GFRA2: variants seen among roughly 807,000 people sequenced by gnomAD.
The protein encoded by GFRA2 is GDNF family receptor alpha-2.
GFRA2 carries 17 observed loss-of-function variants against 48.3 expected under a neutral mutation model. The observed-to-expected ratio is 0.35, with a 90% CI of 0.24 to 0.53. The LOEUF (loss-of-function observed/expected upper bound fraction) is 0.53, where lower values mean the gene tolerates loss of function less well. Among genes scored for constraint, GFRA2 ranks in the 20% least tolerant of loss-of-function variants. GFRA2 has a pLI of 0.93. For missense variants in GFRA2, 660 were observed against 637.3 expected, an observed-to-expected ratio of 1.04 and a Z score of -0.38; for synonymous variants, 305 against 257.2, an observed-to-expected ratio of 1.19 and a Z score of -1.78.
intron 3 of GFRA2, among the ~76,000 whole-genome samples, chr8:21,758,030 G>A (rs1289593821): frequency 6.6e-6 from 1 of 152,160 alleles, no homozygotes; most frequent in Non-Finnish European, 1.5e-5. Flanking sequence ...CCGGTTTAGA[G>A]AAAAGGCACT....
Position 21,746,719 on chromosome 8 carries a change from A to G in GFRA2, c.794+3869T>C, listed in dbSNP as rs192231137. 4.6e-3 allele frequency among the ~76,000 whole-genome samples: 698 copies of G among 151,994 alleles called. 5 individuals carry two copies. Among genetic ancestry groups the G allele is most frequent in the Non-Finnish European group, 7.3e-3 (496 of 67,974 alleles). On this transcript the variant is annotated intron_variant, in intron 4 of 8. Transcript: ENST00000524240. ...CCTCCCAATACTTAGCCCTGTTTCA[A>G]CGCCGTTTCTGGTTCCACTGTGTGA...
At chr8:21,806,924 C>T (rs1225935944) in intron 1 of GFRA2, among the ~76,000 whole-genome samples, 2 of 152,186 alleles carry the variant, frequency 1.3e-5, no homozygotes, top group East Asian at 1.9e-4. Context: ...GTTCTATCTT[C>T]CTATCTCAAA....
chr8:21,755,796 G>T (rs1805539594), intron 3 of GFRA2, among the ~76,000 whole-genome samples: 1 of 152,256 alleles, frequency 6.6e-6, no homozygotes, highest in African/African-American at 2.4e-5. Context: ...GACTGAACAT[G>T]GAAACCAAGG....
At chr8:21,771,025 C>T (rs1373655582) in intron 3 of GFRA2, among the ~76,000 whole-genome samples, 1 of 152,210 alleles carries the variant, frequency 6.6e-6, no homozygotes, top group Non-Finnish European at 1.5e-5. Context: ...AACCTCCTGC[C>T]TCCACTGAGC....
chr8:21,704,628 C>G (rs1249789785), intron 6 of GFRA2, among the ~76,000 whole-genome samples: 1 of 152,110 alleles, frequency 6.6e-6, no homozygotes, highest in Non-Finnish European at 1.5e-5. Context: ...AAAAGGAAGT[C>G]GATTCCAGGG....
intron 2 of GFRA2, among the ~76,000 whole-genome samples, chr8:21,800,967 A>G (rs1308064265): frequency 6.6e-6 from 1 of 151,672 alleles, no homozygotes; most frequent in African/African-American, 2.4e-5. Context: ...GGCATCCACA[A>G]GATTTTTCAG....
At chr8:21,805,410 C>T (rs542791777) in intron 1 of GFRA2, among the ~76,000 whole-genome samples, 1 of 152,188 alleles carries the variant, frequency 6.6e-6, no homozygotes, top group Non-Finnish European at 1.5e-5. Flanking sequence ...CTGCACAGTT[C>T]AGGAAGAGCT....
At chr8:21,740,273 T>C (rs1383806407) in intron 4 of GFRA2, among the ~76,000 whole-genome samples, 1 of 152,210 alleles carries the variant, frequency 6.6e-6, no homozygotes, top group Non-Finnish European at 1.5e-5. Flanking sequence ...CAAACTGCTA[T>C]TGAGCTCTCC....
intron 3 of GFRA2, among the ~76,000 whole-genome samples, chr8:21,762,830 T>C (rs1247973295): frequency 6.6e-6 from 1 of 152,226 alleles, no homozygotes; most frequent in African/African-American, 2.4e-5. Flanking sequence ...GGTTTTTTAA[T>C]ATTTAGGGTT....
At chr8:21,778,297 C>A (rs1243290284) in intron 2 of GFRA2, among the ~76,000 whole-genome samples, 1 of 152,306 alleles carries the variant, frequency 6.6e-6, no homozygotes, top group East Asian at 1.9e-4. Context: ...CCCCGCCACT[C>A]ACAAGAACAC....
intron 3 of GFRA2, among the ~76,000 whole-genome samples, chr8:21,757,925 A>C (rs1371565476): frequency 6.6e-6 from 1 of 152,170 alleles, no homozygotes; most frequent in East Asian, 1.9e-4. Context: ...GAATTTTTCT[A>C]ACCCATTAGA....
intron 1 of GFRA2, among the ~76,000 whole-genome samples, chr8:21,787,207 A>T (rs565112827): frequency 7.6e-5 from 11 of 144,186 alleles, no homozygotes; most frequent in South Asian, 7.0e-4. Flanking sequence ...TGTGGAAAAG[A>T]AACTGCGTGG....
At chr8:21,729,998 G>A (rs576599148) in intron 4 of GFRA2, among the ~76,000 whole-genome samples, 1 of 152,154 alleles carries the variant, frequency 6.6e-6, no homozygotes, top group African/African-American at 2.4e-5. Context: ...AATTCAGGGA[G>A]GAGGAGGAGG....
intron 2 of GFRA2, among the ~76,000 whole-genome samples, chr8:21,802,978 A>G (rs1261787080): frequency 1.3e-4 from 20 of 152,378 alleles, no homozygotes; most frequent in Admixed American, 3.9e-4. Context: ...CATGTAAAAT[A>G]TCAGACTTCG....
chr8:21,777,177 C>T (rs1806747512), intron 2 of GFRA2, among the ~76,000 whole-genome samples: 2 of 152,200 alleles, frequency 1.3e-5, no homozygotes. Flanking sequence ...AGGGTTCACA[C>T]CCAGGCAAAG....
Position 21,788,275 on chromosome 8 carries a change from G to A in GFRA2, c.-116C>T. Reference sequence around the variant, plus strand: ...GGTAATCAGCCCCAAATCCAATGCGGAGATCCCAGCTAGTCCACCCGATGA... The same window carrying A: ...GGTAATCAGCCCCAAATCCAATGCGAAGATCCCAGCTAGTCCACCCGATGA... On this transcript the variant is annotated 5_prime_UTR_variant, in exon 1 of 9. Coordinates refer to ENST00000524240, the MANE Select transcript of GFRA2 (RefSeq NM_001495.5). 7.0e-7 allele frequency: 1 copy of A among 1,433,820 alleles called. No homozygotes were observed. Among genetic ancestry groups the A allele is most frequent in the Non-Finnish European group, 9.2e-7 (1 of 1,089,902 alleles). 88.8% of individuals were successfully genotyped at this position (1,433,820 alleles called of 1,614,324 possible).
rs375886597 is a variant in GFRA2, at chr8:21,749,732, T to G, written c.794+856A>C. Reference sequence around the variant, plus strand: ...GTATTCAGGTCTGATCCAGTCTAGTTTCAGGGTGAGGAATGGGTCCTGGAG... The same window carrying G: ...GTATTCAGGTCTGATCCAGTCTAGTGTCAGGGTGAGGAATGGGTCCTGGAG... On this transcript the variant is annotated intron_variant, in intron 4 of 8. Coordinates refer to ENST00000524240, the MANE Select transcript of GFRA2 (RefSeq NM_001495.5). Among the ~76,000 whole-genome samples the G allele has an allele frequency of 1.5e-4, 23 of 151,266 alleles. 1 individual carries two copies. Among genetic ancestry groups the G allele is most frequent in the South Asian group, 1.1e-3 (5 of 4,724 alleles).
At chr8:21,734,448 A>AT (rs1804351871) in intron 4 of GFRA2, among the ~76,000 whole-genome samples, 1 of 152,182 alleles carries the variant, frequency 6.6e-6, no homozygotes, top group African/African-American at 2.4e-5. Context: ...GAAACATCAC[A>AT]TTTTTTAACT....
intron 1 of GFRA2, among the ~76,000 whole-genome samples, chr8:21,809,219 G>A (rs559169575): frequency 1.3e-5 from 2 of 152,226 alleles, no homozygotes; most frequent in Non-Finnish European, 2.9e-5. Flanking sequence ...GAGGAACACT[G>A]AGGAACTGGA....
Sources: gnomAD v4.1 joint callset for allele counts (sites outside exome capture counted in the v4.1 genomes callset) on GRCh38, gnomAD v4.1.1 for gene constraint, MANE v1.5 for transcripts, NCBI Gene and HGNC (gene_info 2026-07-23, HGNC 2026-07-21) for gene names.